LGSN: variants seen among roughly 807,000 people sequenced by gnomAD.
LGSN encodes lengsin, lens protein with glutamine synthetase domain.
LGSN carries 21 observed loss-of-function variants against 19.5 expected under a neutral mutation model. The ratio of observed to expected loss-of-function variants is 1.07; its 90% CI spans 0.76 to 1.55. LGSN has a LOEUF of 1.55. Ranked by LOEUF, LGSN falls within the 40% of genes most tolerant of loss-of-function variation. The pLI is 0.00. For missense variants in LGSN, 673 were observed against 608.5 expected (o/e 1.11, Z -1.12); for synonymous variants, 257 against 215.6 (o/e 1.19, Z -1.68).
chr6:63,279,283 T>C lies in LGSN; in HGVS notation c.*738A>G, dbSNP rs1767196449. On this transcript the variant is annotated 3_prime_UTR_variant, in exon 4 of 4. Transcript: ENST00000370657. ...CATCTTTCTATCTATACTTTGTGTA[T>C]TGAACTTCTATATGAGGCATTGTTA... is the stretch of plus-strand genomic sequence containing the variant. 1 of 152,236 alleles carries C rather than the reference T, an allele frequency of 6.6e-6. No homozygotes were observed. Among genetic ancestry groups the C allele is most frequent in the Non-Finnish European group, 1.5e-5 (1 of 68,048 alleles). The allele number at this position is 152,236 out of a possible 1,614,324, so 9.4% of individuals were successfully genotyped here. A position where few individuals can be genotyped will look rare whatever the true frequency, so the allele number is the denominator to read the frequency against.
chr6:63,448,323 A>G, the LGSN span, among the ~76,000 whole-genome samples: 1 of 152,254 alleles, frequency 6.6e-6, no homozygotes, highest in East Asian at 1.9e-4. Flanking sequence ...AGAATCAGCT[A>G]TTCAGATTGG....
At chr6:63,336,561 G>GTATA in the LGSN span, among the ~76,000 whole-genome samples, 1,134 of 127,518 alleles carry the variant, frequency 8.9e-3, 20 homozygotes, top group East Asian at 0.052. Context: ...GTGTGTGTGT[G>GTATA]TATATATATA....
the LGSN span, among the ~76,000 whole-genome samples, chr6:63,402,207 T>C: frequency 3.9e-5 from 6 of 152,214 alleles, no homozygotes; most frequent in Non-Finnish European, 7.3e-5. Context: ...CCATTGAGCC[T>C]GTTGAACATA....
At chr6:63,522,619 A>G in the LGSN span, among the ~76,000 whole-genome samples, 1 of 152,196 alleles carries the variant, frequency 6.6e-6, no homozygotes, top group East Asian at 1.9e-4. Context: ...AAAGAACACA[A>G]TAGTGTAGCA....
rs1325662820 is a variant in LGSN at position 63,276,829 on chromosome 6, C to A, written c.*3192G>T. ...AAGGTAGAAGCATCAGCAGAAAGTC[C>A]TTTCAACAATAGAAAGCCTATGAAC... On this transcript the variant is annotated 3_prime_UTR_variant, in exon 4 of 4. Transcript: ENST00000370657. 1 of 152,142 alleles carries A rather than the reference C, an allele frequency of 6.6e-6. No individual in the cohort carries two copies. The highest frequency in any genetic ancestry group is 1.5e-5 in the Non-Finnish European group (1 of 68,038). 9.4% of individuals were successfully genotyped at this position (152,142 alleles called of 1,614,324 possible).
the LGSN span, among the ~76,000 whole-genome samples, chr6:63,399,599 T>C: frequency 2.0e-5 from 3 of 151,992 alleles, no homozygotes; most frequent in South Asian, 4.2e-4. Context: ...TTTCACCATG[T>C]TGGGCAGGCT....
At chr6:63,467,256 G>A in the LGSN span, among the ~76,000 whole-genome samples, 1 of 143,604 alleles carries the variant, frequency 7.0e-6, no homozygotes, top group Non-Finnish European at 1.5e-5. Flanking sequence ...AAAAAAGAAA[G>A]TAAGTTAATA....
the LGSN span, among the ~76,000 whole-genome samples, chr6:63,509,996 TC>T: frequency 6.6e-6 from 1 of 152,224 alleles, no homozygotes; most frequent in Non-Finnish European, 1.5e-5. Flanking sequence ...TTAAGGACTA[TC>T]ACAAATGAAG....
the LGSN span, among the ~76,000 whole-genome samples, chr6:63,390,863 A>G: frequency 2.0e-5 from 3 of 149,674 alleles, no homozygotes; most frequent in Non-Finnish European, 4.4e-5. Flanking sequence ...CCATCTCAAA[A>G]AAAAAAAAAA....
the LGSN span, among the ~76,000 whole-genome samples, chr6:63,376,101 A>G: frequency 6.6e-6 from 1 of 151,986 alleles, no homozygotes; most frequent in Non-Finnish European, 1.5e-5. Context: ...ATGATTCTTT[A>G]CTCCACAGAC....
the LGSN span, among the ~76,000 whole-genome samples, chr6:63,365,500 C>T: frequency 2.0e-5 from 3 of 152,152 alleles, no homozygotes; most frequent in African/African-American, 7.2e-5. Flanking sequence ...ACGAATTCTA[C>T]CAGAGGTACA....
the LGSN span, among the ~76,000 whole-genome samples, chr6:63,537,418 A>T: frequency 6.6e-6 from 1 of 152,178 alleles, no homozygotes; most frequent in African/African-American, 2.4e-5. Context: ...TTCAACACCA[A>T]TGCCCAGGCC....
the LGSN span, among the ~76,000 whole-genome samples, chr6:63,481,539 G>T: frequency 6.6e-6 from 1 of 151,746 alleles, no homozygotes; most frequent in Non-Finnish European, 1.5e-5. Flanking sequence ...GTAGAGACGG[G>T]GTTTCACTGT....
the LGSN span, among the ~76,000 whole-genome samples, chr6:63,553,146 A>G: frequency 6.6e-6 from 1 of 152,310 alleles, no homozygotes; most frequent in South Asian, 2.1e-4. Context: ...CCTCCAAAGT[A>G]TACAATTCAA....
At chr6:63,410,083 A>T in the LGSN span, among the ~76,000 whole-genome samples, 2 of 152,184 alleles carry the variant, frequency 1.3e-5, no homozygotes, top group Non-Finnish European at 2.9e-5. Context: ...CCTCATCTAT[A>T]AAATAGTACC....
the LGSN span, among the ~76,000 whole-genome samples, chr6:63,424,021 C>T: frequency 6.6e-6 from 1 of 152,032 alleles, no homozygotes; most frequent in South Asian, 2.1e-4. Flanking sequence ...GCCTGGGCAA[C>T]AGAGCAAAAC....
chr6:63,311,313 AAACTT>A (rs1186762337), intron 1 of LGSN, among the ~76,000 whole-genome samples: 4 of 152,234 alleles, frequency 2.6e-5, no homozygotes, highest in Non-Finnish European at 4.4e-5. Flanking sequence ...AGAATTGTGT[AAACTT>A]AACTAACTGA....
chr6:63,461,747 C>T, the LGSN span, among the ~76,000 whole-genome samples: 1 of 152,312 alleles, frequency 6.6e-6, no homozygotes, highest in East Asian at 1.9e-4. Flanking sequence ...TGAATTATAG[C>T]TTCTCTACTT....
At chr6:63,285,422 G>C (rs1767485757) in intron 3 of LGSN, among the ~76,000 whole-genome samples, 165 bp downstream of exon 3, 1 of 152,176 alleles carries the variant, frequency 6.6e-6, no homozygotes, top group African/African-American at 2.4e-5. Flanking sequence ...GCTCCTTGGG[G>C]AGCAATAATG....
Sources: gnomAD v4.1 joint callset for allele counts (sites outside exome capture counted in the v4.1 genomes callset) on GRCh38, gnomAD v4.1.1 for gene constraint, MANE v1.5 for transcripts, NCBI Gene and HGNC (gene_info 2026-07-23, HGNC 2026-07-21) for gene names.